ARAP2: variants seen among roughly 807,000 people sequenced by gnomAD.
The protein encoded by ARAP2 is ArfGAP with RhoGAP domain, ankyrin repeat and PH domain 2.
ARAP2 carries 148 observed loss-of-function variants against 194.5 expected under a neutral mutation model. That is an observed-to-expected ratio of 0.76 (90% CI 0.67 to 0.87). The LOEUF (loss-of-function observed/expected upper bound fraction) is 0.87, where lower values mean the gene tolerates loss of function less well. Among genes scored for constraint, ARAP2 ranks in the 40% least tolerant of loss-of-function variants. ARAP2 has a pLI of 0.00. For missense variants in ARAP2, 2,128 were observed against 1,989.7 expected (o/e 1.07, Z -1.32); for synonymous variants, 695 against 683.5 (o/e 1.02, Z -0.26).
At chr4:36,087,608 A>G (rs1188800158) in intron 28 of ARAP2, among the ~76,000 whole-genome samples, 9 of 149,406 alleles carry the variant, frequency 6.0e-5, no homozygotes, top group Non-Finnish European at 1.1e-4. Flanking sequence ...CTCACTTACA[A>G]AAACAATGCA....
intron 6 of ARAP2, among the ~76,000 whole-genome samples, chr4:36,209,204 A>G (rs1414631317): frequency 6.6e-6 from 1 of 152,198 alleles, no homozygotes; most frequent in Admixed American, 6.5e-5. Flanking sequence ...TGAAAGATTC[A>G]AGAATATTCA....
At chr4:36,226,298 A>AT (rs1750292450) in intron 2 of ARAP2, among the ~76,000 whole-genome samples, 1 of 152,216 alleles carries the variant, frequency 6.6e-6, no homozygotes, top group African/African-American at 2.4e-5. Flanking sequence ...AGTTGAAAAT[A>AT]TACCACTCCA....
At chr4:36,083,283 A>G in intron 29 of ARAP2, 85 bp downstream of exon 29, 2 of 965,960 alleles carry the variant, frequency 2.1e-6, no homozygotes, top group Non-Finnish European at 3.1e-6. Flanking sequence ...AAAAAGTTAG[A>G]CTAATGCCAC....
intron 9 of ARAP2, among the ~76,000 whole-genome samples, chr4:36,170,962 G>C (rs1325883887): frequency 6.6e-6 from 1 of 152,070 alleles, no homozygotes; most frequent in Non-Finnish European, 1.5e-5. Context: ...CTGGTGGCCT[G>C]GTGGTAGGGG....
intron 7 of ARAP2, among the ~76,000 whole-genome samples, chr4:36,192,411 A>G (rs1742129372): frequency 6.6e-6 from 1 of 152,158 alleles, no homozygotes; most frequent in African/African-American, 2.4e-5. Context: ...CTTTAAAAGA[A>G]CAAACAGAGG....
At chr4:36,105,501 C>A (rs1048981931) in intron 27 of ARAP2, among the ~76,000 whole-genome samples, 1 of 151,976 alleles carries the variant, frequency 6.6e-6, no homozygotes, top group Non-Finnish European at 1.5e-5. Flanking sequence ...AACAGAAGGA[C>A]ACACTCATAA....
rs542221938 is a variant in ARAP2, at chr4:36,029,605, T to C, written n.608-10319A>G. Among the ~76,000 whole-genome samples the C allele has an allele frequency of 1.9e-3, 289 of 152,180 alleles. 1 individual carries two copies. Among genetic ancestry groups the C allele is most frequent in the African/African-American group, 6.7e-3 (279 of 41,586 alleles). On this transcript the variant is annotated intron_variant and non_coding_transcript_variant, in intron 5 of 12. Transcript: ENST00000503225. Reference sequence around the variant, plus strand: ...ATACACAAGTTAAGTTGATTTCTACTTATGAATATGGTTAATATGTTTGTT... The same window carrying C: ...ATACACAAGTTAAGTTGATTTCTACCTATGAATATGGTTAATATGTTTGTT...
chr4:36,117,606 T>C (rs539456460), intron 24 of ARAP2, among the ~76,000 whole-genome samples: 2 of 151,780 alleles, frequency 1.3e-5, no homozygotes, highest in South Asian at 4.1e-4. Context: ...GCTACGTTTT[T>C]AAAGAGAAGA....
intron 6 of ARAP2, among the ~76,000 whole-genome samples, chr4:36,204,914 G>A (rs1233379338): frequency 7.6e-6 from 1 of 131,124 alleles, no homozygotes; most frequent in Non-Finnish European, 1.5e-5. Flanking sequence ...CTTGAACCCA[G>A]GAGGTGAAGT....
intron 9 of ARAP2, among the ~76,000 whole-genome samples, chr4:36,011,451 T>C (rs1714531486): frequency 6.6e-6 from 1 of 152,216 alleles, no homozygotes; most frequent in Non-Finnish European, 1.5e-5. Context: ...GCCCTGTAAA[T>C]TCTACAGTAG....
chr4:36,059,344 C>T lies in ARAP2; in HGVS notation n.148-1201G>A, dbSNP rs370226197. The stretch of plus-strand genomic sequence containing the variant: ...GGGAGACAAGTTGAGAATCTTTTGC[C>T]ATAATTCAGAAAAGATATAATCAAC... On this transcript the variant is annotated intron_variant and non_coding_transcript_variant, in intron 1 of 12. Transcript: ENST00000503225. Among the ~76,000 whole-genome samples the T allele has an allele frequency of 1.2e-4, 19 of 152,094 alleles. No individual in the cohort carries two copies. In the South Asian group the frequency reaches 2.9e-3, roughly 23 times the overall value.
chr4:36,052,306 A>T (rs1009072275), intron 2 of ARAP2, among the ~76,000 whole-genome samples: 2 of 152,240 alleles, frequency 1.3e-5, no homozygotes, highest in Non-Finnish European at 2.9e-5. Context: ...TGAAAGAAGC[A>T]AGTTATTGAA....
At chr4:36,162,264 G>A (rs536404829) in intron 11 of ARAP2, among the ~76,000 whole-genome samples, 6 of 152,154 alleles carry the variant, frequency 3.9e-5, no homozygotes, top group South Asian at 2.1e-4. Flanking sequence ...AAAACCCCAC[G>A]TATGTAAATG....
intron 2 of ARAP2, among the ~76,000 whole-genome samples, chr4:36,224,823 TA>T (rs1749944484): frequency 6.6e-6 from 1 of 152,180 alleles, no homozygotes; most frequent in Admixed American, 6.6e-5. Flanking sequence ...TTAAGATTGC[TA>T]AGTATTTTTC....
intron 26 of ARAP2, 74 bp downstream of exon 26, chr4:36,114,096 T>C: frequency 1.9e-6 from 2 of 1,030,360 alleles, no homozygotes; most frequent in Non-Finnish European, 2.9e-6. Flanking sequence ...ATAAAATGTT[T>C]ATAAAGTCTT....
At chr4:36,119,518 G>T (rs903817300) in intron 24 of ARAP2, 132 bp downstream of exon 24, 9 of 491,682 alleles carry the variant, frequency 1.8e-5, no homozygotes, top group African/African-American at 7.8e-5. Flanking sequence ...CAACCAATTA[G>T]TTTTTTTTTT....
At chr4:36,195,814 C>T (rs1384840456) in intron 6 of ARAP2, among the ~76,000 whole-genome samples, 15 of 152,342 alleles carry the variant, frequency 9.8e-5, no homozygotes, top group Non-Finnish European at 1.5e-4. Flanking sequence ...TTAACACAAC[C>T]TCTAATTTTA....
intron 1 of ARAP2, among the ~76,000 whole-genome samples, chr4:36,239,904 T>C (rs1194104664): frequency 6.6e-6 from 1 of 152,148 alleles, no homozygotes; most frequent in Non-Finnish European, 1.5e-5. Context: ...ATTCAAGTCT[T>C]ACAAGTATGG....
At chr4:36,129,871 T>C (rs559465490) in intron 20 of ARAP2, among the ~76,000 whole-genome samples, 10 of 151,652 alleles carry the variant, frequency 6.6e-5, no homozygotes, top group Non-Finnish European at 1.2e-4. Context: ...ATACATCTTA[T>C]GGCAAATCAA....
Sources: gnomAD v4.1 joint callset for allele counts (sites outside exome capture counted in the v4.1 genomes callset) on GRCh38, gnomAD v4.1.1 for gene constraint, MANE v1.5 for transcripts, NCBI Gene and HGNC (gene_info 2026-07-23, HGNC 2026-07-21) for gene names.